SPAG16: variants seen among roughly 807,000 people sequenced by gnomAD.
The protein encoded by SPAG16 is sperm-associated antigen 16 protein.
SPAG16 carries 86 observed loss-of-function variants against 80.4 expected under a neutral mutation model. The ratio of observed to expected loss-of-function variants is 1.07; its 90% confidence interval spans 0.90 to 1.28. SPAG16 has a LOEUF of 1.28. Ranked by LOEUF, SPAG16 falls within the 50% of genes most tolerant of loss-of-function variation. SPAG16 has a pLI of 0.00. For missense variants in SPAG16, 870 were observed against 765.3 expected, an observed-to-expected ratio of 1.14 and a Z score of -1.61; for synonymous variants, 294 against 265.9, an observed-to-expected ratio of 1.11 and a Z score of -1.03.
Position 214,374,439 on chromosome 2 carries a change from A to G in SPAG16, c.1721-35701A>G, listed in dbSNP as rs140615489. On this transcript the variant is annotated intron_variant, in intron 15 of 15. Transcript: ENST00000331683. ...CCAGCTTATGAACATGAACCTCTCG[A>G]TATTTCATGAAAAATAAAAAGTATG... is the stretch of plus-strand genomic sequence containing the variant. Among the ~76,000 whole-genome samples the G allele has an allele frequency of 6.6e-3, 1,008 of 152,324 alleles. 9 individuals are homozygous for G. The highest frequency in any genetic ancestry group is 0.014 in the Middle Eastern group (4 of 294).
intron 15 of SPAG16, among the ~76,000 whole-genome samples, chr2:214,232,035 A>G (rs922650512): frequency 4.6e-5 from 7 of 151,952 alleles, no homozygotes; most frequent in African/African-American, 1.7e-4. Flanking sequence ...TTTAACTAAT[A>G]TATTTTTAAG....
rs577016667 is a variant in SPAG16 at position 214,345,783 on chromosome 2, A to G, written c.1721-64357A>G. Among the ~76,000 whole-genome samples, 4 of 152,268 alleles carry G rather than the reference A, an allele frequency of 2.6e-5. No homozygotes were observed. In the South Asian group the frequency reaches 6.2e-4, roughly 24 times the overall value. ...TATTATATTATAATAACAGGCCACTATTATTGAACTGTAAACAAATAAAAG... is the reference window on the plus strand; with the variant it reads ...TATTATATTATAATAACAGGCCACTGTTATTGAACTGTAAACAAATAAAAG... On this transcript the variant is annotated intron_variant, in intron 15 of 15. Transcript: ENST00000331683.
At chr2:214,246,553 T>A (rs80172261) in intron 15 of SPAG16, among the ~76,000 whole-genome samples, 2,757 of 152,152 alleles carry the variant, frequency 0.018, 56 homozygotes, top group African/African-American at 0.043. Flanking sequence ...TGACTATGCT[T>A]AGTCCACTGT....
chr2:213,635,550 CT>C (rs759109696), intron 10 of SPAG16, among the ~76,000 whole-genome samples: 24 of 152,270 alleles, frequency 1.6e-4, no homozygotes, highest in Non-Finnish European at 2.9e-4. Flanking sequence ...AAAGTGTTCA[CT>C]TTTCACAACA....
At chr2:213,332,848 A>G (rs544802313) in intron 5 of SPAG16, among the ~76,000 whole-genome samples, 25 of 152,126 alleles carry the variant, frequency 1.6e-4, no homozygotes, top group Non-Finnish European at 3.1e-4. Flanking sequence ...AACTCTCAAA[A>G]AATTTGGTAT....
intron 9 of SPAG16, among the ~76,000 whole-genome samples, chr2:213,415,579 G>A (rs1451205291): frequency 6.6e-6 from 1 of 152,178 alleles, no homozygotes; most frequent in East Asian, 1.9e-4. Flanking sequence ...GTACTTATGG[G>A]GCAAATCTTC....
Position 213,292,537 on chromosome 2 carries a change from G to A in SPAG16, c.137-3527G>A, listed in dbSNP as rs1339874324. 3.3e-5 allele frequency among the ~76,000 whole-genome samples: 5 copies of A among 149,710 alleles called. No individual in the cohort carries two copies. In the East Asian group the frequency reaches 7.8e-4, roughly 23 times the overall value. ...AAATTAGCCGGGCGTAGTGGCGGGC[G>A]CCTGTAGTCCCAGCTACTTGGGAGG... On this transcript the variant is annotated intron_variant, in intron 1 of 15. Transcript: ENST00000331683.
chr2:213,916,213 C>A (rs13006187), intron 11 of SPAG16, among the ~76,000 whole-genome samples: 35,023 of 152,006 alleles, frequency 0.23, 4,669 homozygotes, highest in East Asian at 0.4. Context: ...GATGGTATTG[C>A]CTAGGTTTTC....
intron 10 of SPAG16, among the ~76,000 whole-genome samples, chr2:213,533,639 A>G (rs16850447): frequency 0.087 from 13,163 of 152,162 alleles, 1,427 homozygotes; most frequent in African/African-American, 0.25. Flanking sequence ...GGATTATTTC[A>G]CCTGTATTTT....
chr2:213,744,662 T>A (rs2067732667), intron 10 of SPAG16, among the ~76,000 whole-genome samples: 2 of 152,194 alleles, frequency 1.3e-5, no homozygotes, highest in Non-Finnish European at 2.9e-5. Flanking sequence ...AACTGTTTAA[T>A]AATAAAACAC....
chr2:214,039,428 A>G (rs1006842887), intron 13 of SPAG16, among the ~76,000 whole-genome samples: 1 of 152,232 alleles, frequency 6.6e-6, no homozygotes, highest in Non-Finnish European at 1.5e-5. Context: ...AGCAATGGCA[A>G]CAAAAGCCAA....
chr2:213,840,162 A>T (rs2074297091), intron 10 of SPAG16, among the ~76,000 whole-genome samples: 1 of 152,208 alleles, frequency 6.6e-6, no homozygotes, highest in African/African-American at 2.4e-5. Context: ...TAAAATGTTG[A>T]TAGGAAATAA....
intron 15 of SPAG16, among the ~76,000 whole-genome samples, chr2:214,230,915 T>C (rs1688650512): frequency 6.6e-6 from 1 of 151,996 alleles, no homozygotes; most frequent in Non-Finnish European, 1.5e-5. Context: ...ACCATCTGTC[T>C]ATCTTGGGTC....
At chr2:213,833,187 A>G (rs2073772454) in intron 10 of SPAG16, among the ~76,000 whole-genome samples, 1 of 150,696 alleles carries the variant, frequency 6.6e-6, no homozygotes, top group South Asian at 2.1e-4. Context: ...TGTCCTCCAG[A>G]TATTATCCTT....
intron 15 of SPAG16, among the ~76,000 whole-genome samples, chr2:214,163,637 T>TAGAG (rs34908676): frequency 0.048 from 7,142 of 149,064 alleles, 206 homozygotes; most frequent in Middle Eastern, 0.077. Flanking sequence ...CATATATATA[T>TAGAG]AGAGAGAGAG....
chr2:213,854,114 G>C (rs1229190832), intron 10 of SPAG16, among the ~76,000 whole-genome samples: 5 of 152,182 alleles, frequency 3.3e-5, no homozygotes, highest in African/African-American at 1.2e-4. Flanking sequence ...TGTTATTTAT[G>C]ATGGCTACAT....
At chr2:214,392,178 T>C (rs1277334044) in intron 15 of SPAG16, among the ~76,000 whole-genome samples, 3 of 152,138 alleles carry the variant, frequency 2.0e-5, no homozygotes, top group Non-Finnish European at 4.4e-5. Context: ...TTCTTCTTTT[T>C]TTGAGATAGG....
intron 15 of SPAG16, among the ~76,000 whole-genome samples, chr2:214,287,229 A>G (rs887202991): frequency 4.6e-5 from 7 of 152,186 alleles, no homozygotes; most frequent in African/African-American, 1.4e-4. Context: ...GCTGAACTCT[A>G]TCTGTACAAG....
chr2:214,087,384 A>G (rs1366108593), intron 13 of SPAG16, among the ~76,000 whole-genome samples: 1 of 152,182 alleles, frequency 6.6e-6, no homozygotes, highest in Non-Finnish European at 1.5e-5. Context: ...AACTATTAGC[A>G]AACATGGAAA....
Sources: allele counts gnomAD v4.1 joint callset (sites outside exome capture counted in the v4.1 genomes callset), GRCh38; gene constraint gnomAD v4.1.1; transcripts MANE v1.5; gene names NCBI Gene and HGNC (gene_info 2026-07-23, HGNC 2026-07-21).